The following ABCB5 variants were observed in gnomAD, a reference collection of about 807,000 sequenced individuals.
ABCB5 encodes the protein ATP-binding cassette sub-family B member 5.
ABCB5 carries 155 observed loss-of-function variants against 144.2 expected under a neutral mutation model. That is an observed-to-expected ratio of 1.08 (90% CI 0.94 to 1.23). The LOEUF is 1.23. ABCB5 is among the 50% of genes most tolerant of loss of function. The pLI is 0.00. For synonymous variants in ABCB5, 610 were observed against 528.6 expected, an observed-to-expected ratio of 1.15 and a Z score of -2.11; for missense variants, 1,830 against 1,520.8, an observed-to-expected ratio of 1.20 and a Z score of -3.38.
At chr7:20,629,145 C>CGTGCGTGTGTGT (rs1554278478) in intron 4 of ABCB5, among the ~76,000 whole-genome samples, 1 of 135,058 alleles carries the variant, frequency 7.4e-6, no homozygotes, top group Non-Finnish European at 1.6e-5. Flanking sequence ...AGAGAGACTG[C>CGTGCGTGTGTGT]GTGTGTGTGT....
intron 20 of ABCB5, among the ~76,000 whole-genome samples, chr7:20,718,374 C>T (rs750532216): frequency 2.0e-5 from 3 of 152,224 alleles, no homozygotes; most frequent in Non-Finnish European, 4.4e-5. Flanking sequence ...ATGGCATCCC[C>T]ATTTAGGCCC....
At chr7:20,705,168 T>G (rs1786780081) in intron 20 of ABCB5, among the ~76,000 whole-genome samples, 1 of 152,170 alleles carries the variant, frequency 6.6e-6, no homozygotes, top group South Asian at 2.1e-4. Flanking sequence ...AAGGTTTAGT[T>G]TTTCCTTCCC....
intron 21 of ABCB5, 35 bp downstream of exon 21, chr7:20,723,254 TA>T (rs773262367): frequency 6.3e-7 from 1 of 1,598,190 alleles, no homozygotes; most frequent in African/African-American, 1.3e-5. Flanking sequence ...TCGTAACATT[TA>T]AAGAGAAAAA....
intron 16 of ABCB5, among the ~76,000 whole-genome samples, chr7:20,686,499 C>T (rs1376036156): frequency 6.6e-6 from 1 of 152,166 alleles, no homozygotes; most frequent in Non-Finnish European, 1.5e-5. Context: ...GCCTCCACCA[C>T]ACATCCTGAA....
intron 21 of ABCB5, among the ~76,000 whole-genome samples, chr7:20,724,345 G>A (rs1401274675): frequency 6.6e-6 from 1 of 151,924 alleles, no homozygotes; most frequent in Non-Finnish European, 1.5e-5. Context: ...TCTACATCCA[G>A]GTCTTTAAGA....
intron 16 of ABCB5, among the ~76,000 whole-genome samples, chr7:20,691,167 A>ACTT (rs1562564378): frequency 2.4e-5 from 2 of 83,274 alleles, no homozygotes; most frequent in African/African-American, 9.5e-5. Flanking sequence ...AACCCAGTGG[A>ACTT]CTTTTTTTTT....
intron 24 of ABCB5, among the ~76,000 whole-genome samples, chr7:20,742,068 A>G (rs1385195548): frequency 6.6e-6 from 1 of 152,190 alleles, no homozygotes; most frequent in Non-Finnish European, 1.5e-5. Context: ...CTGCCAAATA[A>G]TGGTCAATTG....
At chr7:20,650,174 C>T (rs778904401) in intron 12 of ABCB5, 27 bp downstream of exon 12, 2 of 1,610,568 alleles carry the variant, frequency 1.2e-6, no homozygotes, top group South Asian at 2.2e-5. Flanking sequence ...AAACCATGCA[C>T]AGTCCACCTA....
intron 13 of ABCB5, among the ~76,000 whole-genome samples, chr7:20,655,432 C>A (rs1397252517): frequency 6.6e-6 from 1 of 152,110 alleles, no homozygotes; most frequent in African/African-American, 2.4e-5. Context: ...GAGATAGCAC[C>A]ACTGCACTCC....
At chr7:20,735,893 CT>C (rs1488410142) in intron 23 of ABCB5, among the ~76,000 whole-genome samples, 17 of 152,190 alleles carry the variant, frequency 1.1e-4, no homozygotes, top group Non-Finnish European at 2.1e-4. Context: ...TTCCATTCTA[CT>C]TATCTCCTAG....
chr7:20,665,351 A>C (rs1020293452), intron 14 of ABCB5, among the ~76,000 whole-genome samples: 16 of 152,154 alleles, frequency 1.1e-4, no homozygotes, highest in Admixed American at 3.9e-4. Context: ...ACGTGGTCTG[A>C]CAGTAACCCC....
At chr7:20,743,889 G>A (rs1006705704) in intron 25 of ABCB5, among the ~76,000 whole-genome samples, 2 of 152,008 alleles carry the variant, frequency 1.3e-5, no homozygotes, top group African/African-American at 2.4e-5. Context: ...TTCGCACATA[G>A]CATAGCACAC....
intron 4 of ABCB5, among the ~76,000 whole-genome samples, chr7:20,630,156 T>G (rs1466309926): frequency 6.6e-6 from 1 of 152,188 alleles, no homozygotes; most frequent in East Asian, 1.9e-4. Flanking sequence ...TGGTGGATAT[T>G]ATAAATATTA....
At chr7:20,685,582 G>C in intron 15 of ABCB5, 114 bp from the exon 16 acceptor site, 1 of 939,458 alleles carries the variant, frequency 1.1e-6, no homozygotes, top group Non-Finnish European at 1.5e-6. Context: ...AACTACATTA[G>C]AATATGCCAC....
intron 1 of ABCB5, among the ~76,000 whole-genome samples, chr7:20,616,293 C>T (rs759024717): frequency 2.0e-5 from 3 of 152,206 alleles, no homozygotes; most frequent in Non-Finnish European, 2.9e-5. Context: ...GCCTTGGCCT[C>T]CCAAAGTGCT....
chr7:20,616,579 G>GTATGTTCCA (rs1783690266), intron 1 of ABCB5, among the ~76,000 whole-genome samples: 1 of 152,068 alleles, frequency 6.6e-6, no homozygotes, highest in African/African-American at 2.4e-5. Flanking sequence ...ATGTTCCATA[G>GTATGTTCCA]TACTTGCCAT....
chr7:20,677,018 A>G (rs935066833), intron 14 of ABCB5, among the ~76,000 whole-genome samples: 1 of 152,182 alleles, frequency 6.6e-6, no homozygotes, highest in African/African-American at 2.4e-5. Context: ...GTAGTTAATT[A>G]CCTTGTAATG....
At position 20,628,742 on chromosome 7, in the gene ABCB5, T is replaced by C; in HGVS notation, c.163T>C (p.Ser55Pro). 1 of 1,613,698 alleles carries C rather than the reference T, an allele frequency of 6.2e-7. No homozygotes were observed. The highest frequency in any genetic ancestry group is 2.2e-5 in the East Asian group (1 of 44,862). The stretch of plus-strand genomic sequence containing the variant: ...ACTCATGATCCTGGGTATACTGGCA[T>C]CACTGGTCAATGGAGCCTGCCTTCC... The part of the protein sequence containing the change: ...ITLMILGILA[S>P]LVNGACLPLM... Residue 55 changes from serine to proline, a missense_variant, in exon 4 of 28, where the codon TCA becomes CCA. Transcript: ENST00000404938.
At chr7:20,682,565 T>A (rs1368484192) in intron 15 of ABCB5, among the ~76,000 whole-genome samples, 2 of 152,144 alleles carry the variant, frequency 1.3e-5, no homozygotes, top group African/African-American at 2.4e-5. Context: ...CCTTAAGTAC[T>A]TATGAGTGTT....
Sources: allele counts gnomAD v4.1 joint callset (sites outside exome capture counted in the v4.1 genomes callset), GRCh38; gene constraint gnomAD v4.1.1; transcripts MANE v1.5; gene names NCBI Gene and HGNC (gene_info 2026-07-23, HGNC 2026-07-21).